DPP10: variants seen among roughly 807,000 people sequenced by gnomAD.
DPP10 encodes dipeptidyl peptidase like 10, also known as inactive dipeptidyl peptidase 10.
A neutral mutation model predicts 120.9 loss-of-function variants in DPP10; 33 were observed. The observed-to-expected ratio is 0.27, with a 90% CI of 0.21 to 0.37. The LOEUF is 0.37. Ranked by LOEUF, DPP10 falls within the 10% of genes least tolerant of loss-of-function variation. The pLI is 1.00. For missense variants in DPP10, 816 were observed against 942.8 expected (o/e 0.87, Z 1.76); for synonymous variants, 337 against 326.1 (o/e 1.03, Z -0.36).
chr2:114,539,723 C>T (rs1686806083), intron 1 of DPP10, among the ~76,000 whole-genome samples: 1 of 152,114 alleles, frequency 6.6e-6, no homozygotes, highest in African/African-American at 2.4e-5. Context: ...AAAGAATATA[C>T]TCAATAAATA....
At chr2:114,641,740 A>G (rs1049491868) in intron 1 of DPP10, among the ~76,000 whole-genome samples, 21 of 152,110 alleles carry the variant, frequency 1.4e-4, no homozygotes, top group African/African-American at 1.9e-4. Context: ...TAAATGCTCA[A>G]TGAAGCAAAT....
chr2:114,582,463 G>A (rs1475361793), intron 1 of DPP10, among the ~76,000 whole-genome samples: 2 of 152,154 alleles, frequency 1.3e-5, no homozygotes, highest in Non-Finnish European at 2.9e-5. Flanking sequence ...CCAAGGAACT[G>A]GATGGCTGAA....
At chr2:115,232,391 C>G (rs780521256) in intron 1 of DPP10, among the ~76,000 whole-genome samples, 1 of 152,016 alleles carries the variant, frequency 6.6e-6, no homozygotes, top group African/African-American at 2.4e-5. Flanking sequence ...GGAGAAGGCA[C>G]TTAGCAAACT....
chr2:115,268,533 G>A (rs2059555046), intron 1 of DPP10, among the ~76,000 whole-genome samples: 1 of 152,100 alleles, frequency 6.6e-6, no homozygotes. Context: ...TAGTAGTTAT[G>A]TGAATCATTA....
intron 1 of DPP10, among the ~76,000 whole-genome samples, chr2:114,495,975 A>T (rs17048441): frequency 6.6e-6 from 1 of 152,184 alleles, no homozygotes; most frequent in Non-Finnish European, 1.5e-5. Flanking sequence ...ATATTGGACA[A>T]GACTGATCCT....
intron 3 of DPP10, among the ~76,000 whole-genome samples, chr2:115,455,454 T>G (rs2073449412): frequency 6.6e-6 from 1 of 152,066 alleles, no homozygotes; most frequent in Admixed American, 6.6e-5. Flanking sequence ...TTCACAGAAT[T>G]GGAAAAAACT....
At chr2:114,965,774 CG>C (rs1698966976) in intron 1 of DPP10, among the ~76,000 whole-genome samples, 1 of 151,018 alleles carries the variant, frequency 6.6e-6, no homozygotes, top group Non-Finnish European at 1.5e-5. Context: ...GTCAGGAGAT[CG>C]AGACCACGGT....
intron 3 of DPP10, among the ~76,000 whole-genome samples, chr2:115,351,171 C>A (rs938682174): frequency 1.3e-5 from 2 of 152,000 alleles, no homozygotes; most frequent in African/African-American, 4.8e-5. Flanking sequence ...ACATATACAC[C>A]ATGGAATACT....
At chr2:114,516,442 C>T (rs766555745) in intron 1 of DPP10, among the ~76,000 whole-genome samples, 64 of 152,204 alleles carry the variant, frequency 4.2e-4, no homozygotes, top group Non-Finnish European at 8.4e-4. Context: ...GCTACTTCTG[C>T]AGCTCTCCCA....
At chr2:114,640,572 C>T (rs1695632555) in intron 1 of DPP10, among the ~76,000 whole-genome samples, 3 of 151,734 alleles carry the variant, frequency 2.0e-5, no homozygotes, top group Admixed American at 6.6e-5. Flanking sequence ...AAGGCTCTAG[C>T]GGCCATCAGA....
intron 1 of DPP10, chr2:115,161,612 G>C (rs1448059261): frequency 1.0e-5 from 2 of 196,846 alleles, no homozygotes; most frequent in East Asian, 1.1e-4. Flanking sequence ...AAGAAGGCAC[G>C]AGGCGTCGCC....
chr2:115,195,431 C>A (rs1437361521), intron 1 of DPP10, among the ~76,000 whole-genome samples: 1 of 152,078 alleles, frequency 6.6e-6, no homozygotes, highest in African/African-American at 2.4e-5. Flanking sequence ...AAAAGTGTGA[C>A]TATTTGTCTT....
At chr2:115,406,428 A>T (rs1265859618) in intron 3 of DPP10, among the ~76,000 whole-genome samples, 1 of 152,152 alleles carries the variant, frequency 6.6e-6, no homozygotes, top group Non-Finnish European at 1.5e-5. Flanking sequence ...CACATACAGA[A>T]ATACTATTTA....
intron 1 of DPP10, among the ~76,000 whole-genome samples, chr2:114,955,395 C>T (rs1458084830): frequency 6.6e-6 from 1 of 152,154 alleles, no homozygotes; most frequent in East Asian, 1.9e-4. Context: ...CTGAGAATGC[C>T]TTAACCGTCC....
At chr2:114,955,827 G>A (rs757498300) in intron 1 of DPP10, among the ~76,000 whole-genome samples, 2 of 152,134 alleles carry the variant, frequency 1.3e-5, no homozygotes, top group Non-Finnish European at 2.9e-5. Flanking sequence ...TGTGTTAATA[G>A]AATGAAGGAC....
intron 3 of DPP10, among the ~76,000 whole-genome samples, chr2:115,495,708 G>C (rs531277518): frequency 4.6e-5 from 7 of 152,178 alleles, no homozygotes; most frequent in African/African-American, 1.7e-4. Context: ...TGATAGTTAG[G>C]GTTACTGCAG....
chr2:114,836,601 G>A (rs775575726), intron 1 of DPP10, among the ~76,000 whole-genome samples: 26 of 152,136 alleles, frequency 1.7e-4, no homozygotes, highest in East Asian at 3.9e-4. Context: ...GGACTGGGGC[G>A]AAATTTAAAT....
chr2:115,251,602 A>G (rs1201501041), intron 1 of DPP10, among the ~76,000 whole-genome samples: 1 of 152,200 alleles, frequency 6.6e-6, no homozygotes, highest in East Asian at 1.9e-4. Context: ...GGCAAAAACG[A>G]AAGAATTACT....
intron 1 of DPP10, among the ~76,000 whole-genome samples, chr2:115,194,582 A>G (rs1178481559): frequency 6.6e-6 from 1 of 152,152 alleles, no homozygotes; most frequent in Admixed American, 6.5e-5. Context: ...TAGATGTTTC[A>G]ACCTTTCCAT....
Sources: allele counts gnomAD v4.1 joint callset (sites outside exome capture counted in the v4.1 genomes callset), GRCh38; gene constraint gnomAD v4.1.1; transcripts MANE v1.5; gene names NCBI Gene and HGNC (gene_info 2026-07-23, HGNC 2026-07-21).